The following SLC9C1 variants were observed in gnomAD, a reference collection of about 807,000 sequenced individuals.
The protein encoded by SLC9C1 is solute carrier family 9 member C1.
Under a neutral mutation model 140.9 loss-of-function variants are expected in SLC9C1, and 97 were observed. The observed-to-expected ratio is 0.69, with a 90% CI of 0.58 to 0.82. SLC9C1 has a LOEUF of 0.82. Ranked by LOEUF, SLC9C1 falls within the 40% of genes least tolerant of loss-of-function variation. The pLI, the probability that SLC9C1 is intolerant of heterozygous loss-of-function variation, is 0.00. For missense variants in SLC9C1, 1,340 were observed against 1,389.3 expected (o/e 0.96, Z 0.56); for synonymous variants, 440 against 442.6 (o/e 0.99, Z 0.07).
intron 2 of SLC9C1, 106 bp downstream of exon 2, chr3:112,286,598 A>T: frequency 1.1e-6 from 1 of 934,994 alleles, no homozygotes; most frequent in Non-Finnish European, 1.5e-6. Flanking sequence ...TATAAGTTTG[A>T]GAACAAAATT....
chr3:112,142,661 A>G (rs2074666211), intron 28 of SLC9C1, among the ~76,000 whole-genome samples: 1 of 152,210 alleles, frequency 6.6e-6, no homozygotes, highest in Non-Finnish European at 1.5e-5. Context: ...TAAATTCAAT[A>G]TACAAAAAAG....
intron 26 of SLC9C1, among the ~76,000 whole-genome samples, chr3:112,155,540 G>A (rs1272940731): frequency 1.3e-5 from 2 of 152,176 alleles, no homozygotes; most frequent in South Asian, 2.1e-4. Context: ...AATTTGGGAT[G>A]TATCAGTGAT....
At chr3:112,245,734 G>C (rs13078713) in intron 10 of SLC9C1, among the ~76,000 whole-genome samples, 44,982 of 151,940 alleles carry the variant, frequency 0.3, 7,216 homozygotes, top group East Asian at 0.43. Flanking sequence ...TAGATTTTGG[G>C]TATCTATTTC....
chr3:112,195,767 C>T (rs1299031789), intron 20 of SLC9C1, among the ~76,000 whole-genome samples: 1 of 152,038 alleles, frequency 6.6e-6, no homozygotes, highest in East Asian at 1.9e-4. Flanking sequence ...CATCTCCTTC[C>T]AGCTGTTGAT....
At chr3:112,175,730 T>G (rs889688347) in intron 23 of SLC9C1, among the ~76,000 whole-genome samples, 21 of 152,186 alleles carry the variant, frequency 1.4e-4, no homozygotes, top group Admixed American at 9.2e-4. Flanking sequence ...TGACTGCTTC[T>G]CCATAGTACT....
intron 12 of SLC9C1, among the ~76,000 whole-genome samples, chr3:112,236,706 C>T (rs2078996243): frequency 6.6e-6 from 1 of 152,158 alleles, no homozygotes; most frequent in South Asian, 2.1e-4. Context: ...ATCTTTATTT[C>T]TGCCTTCATT....
chr3:112,204,526 C>T, intron 16 of SLC9C1, 123 bp from the exon 17 acceptor site: 1 of 967,646 alleles, frequency 1.0e-6, no homozygotes, highest in Non-Finnish European at 1.5e-6. Context: ...ATGAAATATC[C>T]TCAGGAAACC....
intron 27 of SLC9C1, among the ~76,000 whole-genome samples, chr3:112,153,018 A>AT (rs747164568): frequency 6.6e-6 from 1 of 151,994 alleles, no homozygotes; most frequent in Non-Finnish European, 1.5e-5. Flanking sequence ...TGGACTTTTT[A>AT]TTATGTAAAG....
chr3:112,149,912 A>G (rs2074908906), intron 28 of SLC9C1, among the ~76,000 whole-genome samples: 2 of 151,642 alleles, frequency 1.3e-5, no homozygotes, highest in African/African-American at 2.4e-5. Flanking sequence ...GTTGAGCAGA[A>G]AGGGCCCCAC....
At chr3:112,179,750 A>G (rs1202956643) in intron 22 of SLC9C1, 49 bp from the exon 23 acceptor site, 5 of 1,481,102 alleles carry the variant, frequency 3.4e-6, no homozygotes, top group Non-Finnish European at 4.5e-6. Flanking sequence ...GTTAACTTGT[A>G]TTACCAAAAC....
chr3:112,189,592 C>T (rs2077609266), intron 20 of SLC9C1, among the ~76,000 whole-genome samples: 1 of 151,778 alleles, frequency 6.6e-6, no homozygotes, highest in African/African-American at 2.4e-5. Flanking sequence ...ATTGGTGTAT[C>T]TCTCTGTTTT....
At chr3:112,274,296 T>C (rs1171771036) in intron 6 of SLC9C1, among the ~76,000 whole-genome samples, 1 of 152,108 alleles carries the variant, frequency 6.6e-6, no homozygotes, top group East Asian at 1.9e-4. Flanking sequence ...ATCACTATTA[T>C]AATATACATA....
intron 15 of SLC9C1, among the ~76,000 whole-genome samples, chr3:112,215,728 A>G (rs146356622): frequency 0.013 from 1,950 of 152,340 alleles, 33 homozygotes; most frequent in African/African-American, 0.045. Context: ...ATGGAAGAAC[A>G]TTCCATGCTC....
chr3:112,167,260 C>G lies in SLC9C1; in HGVS notation c.3325G>C (p.Val1109Leu). 1 of 1,609,666 alleles carries G rather than the reference C, an allele frequency of 6.2e-7. No homozygotes were observed. The highest frequency in any genetic ancestry group is 8.5e-7 in the Non-Finnish European group (1 of 1,178,218). ...KTFRRNIRKF[V>L]PKHKSYLTPG... Reference sequence around the variant, plus strand: ...GTAAGATAACTTTTATGTTTAGGAACAAACTTTCTAATATTCCTTCTGAAT... The same window carrying G: ...GTAAGATAACTTTTATGTTTAGGAAGAAACTTTCTAATATTCCTTCTGAAT... The change falls in exon 26 of 29, where the codon GTT (valine) becomes CTT (leucine). Residue 1109 changes from valine (V) to leucine (L), a missense_variant. Physicochemically the swap from Val to Leu is conservative, Grantham distance 32. Coordinates refer to ENST00000305815, the MANE Select transcript of SLC9C1 (RefSeq NM_183061.3).
At chr3:112,144,861 T>C (rs1277783615) in intron 28 of SLC9C1, among the ~76,000 whole-genome samples, 2 of 152,228 alleles carry the variant, frequency 1.3e-5, no homozygotes, top group African/African-American at 2.4e-5. Context: ...CTTAGGGTTT[T>C]TTAAATATAA....
intron 20 of SLC9C1, among the ~76,000 whole-genome samples, chr3:112,187,898 G>A (rs1326267544): frequency 2.0e-5 from 3 of 151,652 alleles, no homozygotes; most frequent in African/African-American, 7.3e-5. Context: ...TAATTTTACA[G>A]GTTACTTTTT....
intron 21 of SLC9C1, 105 bp from the exon 22 acceptor site, chr3:112,180,767 G>A (rs921504670): frequency 3.4e-5 from 31 of 907,388 alleles, no homozygotes; most frequent in Admixed American, 7.2e-5. Flanking sequence ...ACGGAGTCTC[G>A]CTCTGTCACC....
chr3:112,250,207 C>T (rs1209405250), intron 10 of SLC9C1, among the ~76,000 whole-genome samples: 7 of 152,070 alleles, frequency 4.6e-5, no homozygotes, highest in Non-Finnish European at 8.8e-5. Context: ...ATGATGGTTT[C>T]CAGCTTCATC....
chr3:112,277,696 A>G lies in SLC9C1; in HGVS notation c.483T>C (p.Leu161=). The part of the protein sequence containing the change: ...PMLTAAAIRD[L]GLSRSLISLI... ...AGAAAAAGAGAACAATATACCTACC[A>G]AGGTCTCTTATAGCAGCTGCGGTTA... Residue 161 remains leucine, a splice_region_variant and synonymous_variant, in exon 5 of 29, where the codon CTT becomes CTC. Transcript: ENST00000305815. The G allele has an allele frequency of 6.4e-7, 1 of 1,562,580 alleles. No individual in the cohort carries two copies. Among genetic ancestry groups the G allele is most frequent in the Non-Finnish European group, 8.6e-7 (1 of 1,159,890 alleles).
Sources: allele counts gnomAD v4.1 joint callset (sites outside exome capture counted in the v4.1 genomes callset), GRCh38; gene constraint gnomAD v4.1.1; transcripts MANE v1.5; gene names NCBI Gene and HGNC (gene_info 2026-07-23, HGNC 2026-07-21).